The following PRKAG2 variants were observed in gnomAD, a reference collection of about 807,000 sequenced individuals.
PRKAG2 encodes the protein protein kinase AMP-activated non-catalytic subunit gamma 2.
PRKAG2 carries 26 observed loss-of-function variants against 69.6 expected under a neutral mutation model. The observed-to-expected ratio is 0.37, with a 90% CI of 0.27 to 0.52. The LOEUF (loss-of-function observed/expected upper bound fraction) is 0.52, where lower values mean the gene tolerates loss of function less well. Ranked by LOEUF, PRKAG2 falls within the 20% of genes least tolerant of loss-of-function variation. The pLI, the probability that PRKAG2 is intolerant of heterozygous loss-of-function variation, is 0.90. For missense variants in PRKAG2, 557 were observed against 740.0 expected, an observed-to-expected ratio of 0.75 and a Z score of 2.87; for synonymous variants, 293 against 285.0, an observed-to-expected ratio of 1.03 and a Z score of -0.28.
chr7:151,797,152 C>T (rs1586581403), intron 1 of PRKAG2, among the ~76,000 whole-genome samples: 1 of 152,218 alleles, frequency 6.6e-6, no homozygotes. Flanking sequence ...GAGATGGCCC[C>T]GGCCTGACCT....
At chr7:151,681,202 T>C (rs1833837904) in intron 3 of PRKAG2, among the ~76,000 whole-genome samples, 1 of 152,128 alleles carries the variant, frequency 6.6e-6, no homozygotes, top group African/African-American at 2.4e-5. Flanking sequence ...GGAGTGAACC[T>C]CTGGGGCCGA....
Position 151,718,256 on chromosome 7 carries a change from G to A in PRKAG2, c.467-42619C>T, listed in dbSNP as rs184599163. ...CCCTCTTCCTGGCTTGCAGACAGCC[G>A]CCTTCCCATGGTGGTGGGTGGAGGG... On this transcript the variant is annotated intron_variant, in intron 3 of 15. Transcript: ENST00000287878. Among the ~76,000 whole-genome samples the A allele has an allele frequency of 4.4e-3, 654 of 147,992 alleles. 3 individuals are homozygous for A. The highest frequency in any genetic ancestry group is 0.015 in the African/African-American group (601 of 39,480).
intron 1 of PRKAG2, among the ~76,000 whole-genome samples, chr7:151,793,194 A>G (rs2077345503): frequency 6.6e-6 from 1 of 152,140 alleles, no homozygotes; most frequent in African/African-American, 2.4e-5. Context: ...TCATCATCAA[A>G]ATAATTTCCT....
In PRKAG2 at chr7:151,638,460, C is replaced by T. The variant is rs1033155242; in HGVS notation, c.685-6322G>A. Among the ~76,000 whole-genome samples, 2 of 152,054 alleles carry T rather than the reference C, an allele frequency of 1.3e-5. No individual in the cohort carries two copies. Among genetic ancestry groups the T allele is most frequent in the East Asian group, 3.9e-4 (2 of 5,178 alleles). ...CCATCCTGGCCAACATGGTGAAAACCCCGTCTCTACTAAAAATACAAAAAT... is the reference window on the plus strand; with the variant it reads ...CCATCCTGGCCAACATGGTGAAAACTCCGTCTCTACTAAAAATACAAAAAT... On this transcript the variant is annotated intron_variant, in intron 4 of 15. Transcript: ENST00000287878. This position sits in a 1 kb window ranked among gnomAD's most constrained non-coding sequence, Gnocchi z 4.3.
At chr7:151,761,599 C>T (rs1468255340) in intron 3 of PRKAG2, among the ~76,000 whole-genome samples, 3 of 152,180 alleles carry the variant, frequency 2.0e-5, no homozygotes, top group Non-Finnish European at 4.4e-5. Flanking sequence ...CCAAACTATC[C>T]ATGAAAACTG....
intron 1 of PRKAG2, among the ~76,000 whole-genome samples, chr7:151,787,896 A>C (rs1397477759): frequency 1.3e-5 from 2 of 152,304 alleles, no homozygotes; most frequent in African/African-American, 4.8e-5. Context: ...CACAGGGAGA[A>C]GACAGCTACC....
intron 3 of PRKAG2, among the ~76,000 whole-genome samples, chr7:151,691,329 A>G (rs993482204): frequency 2.6e-5 from 4 of 152,122 alleles, no homozygotes; most frequent in African/African-American, 9.7e-5. Flanking sequence ...TTTCCCCTGA[A>G]TATTTTTGAT....
At chr7:151,865,394 A>T (rs2080038478) in intron 1 of PRKAG2, among the ~76,000 whole-genome samples, 2 of 152,266 alleles carry the variant, frequency 1.3e-5, no homozygotes, top group African/African-American at 2.4e-5. Flanking sequence ...CAGAGAGAAC[A>T]GTGAGAAAGA....
chr7:151,652,167 C>G (rs1338509071), intron 4 of PRKAG2, among the ~76,000 whole-genome samples: 1 of 152,106 alleles, frequency 6.6e-6, no homozygotes, highest in Non-Finnish European at 1.5e-5. Flanking sequence ...TTTTATTTAG[C>G]AGTTAAATAT....
intron 3 of PRKAG2, among the ~76,000 whole-genome samples, chr7:151,686,901 T>A (rs1834823160): frequency 6.6e-6 from 1 of 152,146 alleles, no homozygotes; most frequent in Non-Finnish European, 1.5e-5. Flanking sequence ...AGTCAAAGCA[T>A]CATGGTAATA....
At chr7:151,844,618 G>A (rs1468365197) in intron 1 of PRKAG2, among the ~76,000 whole-genome samples, 1 of 152,158 alleles carries the variant, frequency 6.6e-6, no homozygotes, top group African/African-American at 2.4e-5. Flanking sequence ...GGCAAACAGT[G>A]AGCACTATGC....
intron 1 of PRKAG2, among the ~76,000 whole-genome samples, chr7:151,808,674 G>A (rs996724207): frequency 2.0e-5 from 3 of 151,890 alleles, no homozygotes; most frequent in African/African-American, 4.8e-5. Flanking sequence ...AGATCAAGTC[G>A]GGCTTTGAGA....
intron 1 of PRKAG2, chr7:151,806,603 T>G: frequency 5.7e-6 from 1 of 175,496 alleles, no homozygotes; most frequent in South Asian, 1.2e-4. Context: ...AACAAATGCT[T>G]GGGTGGACAA....
intron 3 of PRKAG2, among the ~76,000 whole-genome samples, chr7:151,703,957 G>A (rs948313497): frequency 1.3e-5 from 2 of 150,310 alleles, no homozygotes; most frequent in African/African-American, 4.9e-5. Context: ...AGCTACTCAG[G>A]CGGCTGAGGC....
In PRKAG2 at chr7:151,565,883, C is replaced by T; in HGVS notation, c.1236G>A (p.Met412Ile). The change falls in exon 12 of 16, where the codon ATG becomes ATA. Residue 412 changes from methionine to isoleucine, a missense_variant and splice_region_variant. Around this residue, in one of 2 missense-constraint regions of PRKAG2, gnomAD observed 205 missense variants for 383.4 expected, o/e 0.53. Transcript: ENST00000287878. ...KRILKFLQLF[M>I]SDMPKPAFMK... ...TGAAGGCAGGCTTTGGCATATCAGA[C>T]ATCTAAACGGAAGATAAACGCAAAC... The T allele has an allele frequency of 3.7e-6, 6 of 1,613,108 alleles. No homozygotes were observed. The highest frequency in any genetic ancestry group is 5.1e-6 in the Non-Finnish European group (6 of 1,179,062).
chr7:151,823,419 C>A (rs922574671), intron 1 of PRKAG2, among the ~76,000 whole-genome samples: 2 of 150,620 alleles, frequency 1.3e-5, no homozygotes, highest in African/African-American at 4.9e-5. Context: ...CAGAATGTGA[C>A]CTTATTTGGA....
Position 151,835,047 on chromosome 7 carries a change from T to A in PRKAG2, c.114+41460A>T, listed in dbSNP as rs1054297027. On this transcript the variant is annotated intron_variant, in intron 1 of 15. Transcript: ENST00000287878. The surrounding 1 kb of genome is among the most constrained non-coding windows in gnomAD (Gnocchi z 4.1). ...CCCCCTCATACGCAGATGCCAGCCATGTGGAAAAGGGCCAGCCTGCTCCAA... is the reference window on the plus strand; with the variant it reads ...CCCCCTCATACGCAGATGCCAGCCAAGTGGAAAAGGGCCAGCCTGCTCCAA... Among the ~76,000 whole-genome samples the A allele has an allele frequency of 9.9e-5, 15 of 152,134 alleles. No homozygotes were observed. Among genetic ancestry groups the A allele is most frequent in the Non-Finnish European group, 1.9e-4 (13 of 68,018 alleles).
At chr7:151,566,715 A>G (rs528511878) in intron 11 of PRKAG2, 13 of 351,106 alleles carry the variant, frequency 3.7e-5, no homozygotes, top group Non-Finnish European at 4.4e-5. Flanking sequence ...AATTTAGAGA[A>G]AAAAAAAAAG....
intron 1 of PRKAG2, among the ~76,000 whole-genome samples, chr7:151,844,986 G>A (rs955190343): frequency 6.6e-6 from 1 of 152,140 alleles, no homozygotes; most frequent in Non-Finnish European, 1.5e-5. Flanking sequence ...TCTTCTCGGT[G>A]CTGTTGAAAA....
Sources: allele counts gnomAD v4.1 joint callset (sites outside exome capture counted in the v4.1 genomes callset), GRCh38; gene constraint gnomAD v4.1.1; regional missense constraint gnomAD v4.1.1; non-coding constraint Gnocchi (gnomAD v3.1); transcripts MANE v1.5; gene names NCBI Gene and HGNC (gene_info 2026-07-23, HGNC 2026-07-21).